The following TMEM14B variants were observed in gnomAD, a reference collection of about 807,000 sequenced individuals.
The protein encoded by TMEM14B is transmembrane protein 14B.
In TMEM14B, 9 loss-of-function variants were observed where a neutral mutation model predicts 14.8. The ratio of observed to expected loss-of-function variants is 0.61; its 90% CI spans 0.37 to 1.06. The LOEUF (loss-of-function observed/expected upper bound fraction) is 1.06. Ranked by LOEUF, TMEM14B falls within the 50% of genes least tolerant of loss-of-function variation. The probability of loss-of-function intolerance (pLI) is 0.01; values close to 1 mark genes in which losing one functional copy is unlikely to be tolerated. For synonymous variants in TMEM14B, 40 were observed against 51.3 expected, an observed-to-expected ratio of 0.78 and a Z score of 0.94; for missense variants, 128 against 143.6, an observed-to-expected ratio of 0.89 and a Z score of 0.56.
At chr6:10,759,061 G>C (rs1771896653), downstream of TMEM14B, 1 of 181,968 alleles carries the variant, frequency 5.5e-6, no homozygotes, top group Non-Finnish European at 1.2e-5. Context: ...TGGGATTTCA[G>C]GTGTGCACCA....
At chr6:10,751,356 T>C in intron 4 of TMEM14B, 122 bp downstream of exon 4, 1 of 1,099,896 alleles carries the variant, frequency 9.1e-7, no homozygotes. Flanking sequence ...TTTCACTGCT[T>C]CTCCAAGTCC....
Position 10,756,523 on chromosome 6 carries a change from A to C in TMEM14B, c.*5A>C. On this transcript the variant is annotated 3_prime_UTR_variant, in exon 6 of 6. Transcript: ENST00000379542. ...ATGTTGATGACATCTGATTAGCAGA[A>C]GTCATGTTCCAGCTTGGACTCATGA... 1 of 1,613,068 alleles carries C rather than the reference A, an allele frequency of 6.2e-7. No individual in the cohort carries two copies. Among genetic ancestry groups the C allele is most frequent in the Non-Finnish European group, 8.5e-7 (1 of 1,179,590 alleles).
At position 10,756,725 on chromosome 6, in the gene TMEM14B, TTGAGAC is replaced by T; in HGVS notation, c.*208_*213del. On this transcript the variant is annotated 3_prime_UTR_variant, in exon 6 of 6. Coordinates refer to ENST00000379542, the MANE Select transcript of TMEM14B (RefSeq NM_030969.5). ...GTGGTGAGCATGTAACATGAGCTTA[TTGAGAC>T]CATCATAGAGATCGATTCTTGTATA... 7.7e-7 allele frequency: 1 copy of T among 1,301,326 alleles called. No homozygotes were observed. Among genetic ancestry groups the T allele is most frequent in the Non-Finnish European group, 9.8e-7 (1 of 1,023,458 alleles). 80.6% of individuals were successfully genotyped at this position (1,301,326 alleles called of 1,614,324 possible).
At position 10,756,488 on chromosome 6, in the gene TMEM14B, T is replaced by C; in HGVS notation, c.315T>C (p.Val105=). 6.2e-7 allele frequency: 1 copy of C among 1,614,088 alleles called. No individual in the cohort carries two copies. Residue 105 remains valine (V), a synonymous_variant, in exon 6 of 6, where the codon GTT becomes GTC. Coordinates refer to ENST00000379542, the MANE Select transcript of TMEM14B (RefSeq NM_030969.5). Reference sequence around the variant, plus strand: ...ACAGTTTGCTGATGGCCGCCAAAGTTGGAGTTCGTATGTTGATGACATCTG... The same window carrying C: ...ACAGTTTGCTGATGGCCGCCAAAGTCGGAGTTCGTATGTTGATGACATCTG... ...AGASLLMAAK[V]GVRMLMTSD
At chr6:10,750,790 A>C (rs1581611536) in intron 3 of TMEM14B, among the ~76,000 whole-genome samples, 1 of 152,004 alleles carries the variant, frequency 6.6e-6, no homozygotes. Context: ...TAGGTGATTA[A>C]AGGAAAGGGA....
chr6:10,751,339 A>G (rs1771557919), intron 4 of TMEM14B, 105 bp downstream of exon 4: 1 of 1,305,520 alleles, frequency 7.7e-7, no homozygotes, highest in Non-Finnish European at 1.1e-6. Context: ...CACTTAATTT[A>G]CGACAGTTTC....
chr6:10,756,081 A>G (rs1415148048), intron 5 of TMEM14B, among the ~76,000 whole-genome samples: 1 of 152,186 alleles, frequency 6.6e-6, no homozygotes, highest in Non-Finnish European at 1.5e-5. Flanking sequence ...TGCTGCCAGT[A>G]TAATATTTTA....
chr6:10,757,054 A>G (rs569557779), downstream of TMEM14B: 4 of 925,752 alleles, frequency 4.3e-6, no homozygotes, highest in East Asian at 1.2e-4. Flanking sequence ...TAGAAACTTG[A>G]AAGTATTTTG....
chr6:10,755,208 CT>C lies in TMEM14B; in HGVS notation c.270del (p.Val91Ter), dbSNP rs1379330253. On this transcript the variant is annotated frameshift_variant, in exon 5 of 6. Transcript: ENST00000379542. LOFTEE classifies it high-confidence loss of function. ...TCCTACTACTATGGAAAATTCATGC[CT>C]GTAGGTTTAATTGCAGGTGCCAGGT... ...MRSYYYGKFM[P>X]VGLIAGASLL... 6.2e-7 allele frequency: 1 copy of C among 1,614,062 alleles called. No individual in the cohort carries two copies. Among genetic ancestry groups the C allele is most frequent in the Non-Finnish European group, 8.5e-7 (1 of 1,180,030 alleles).
intron 1 of TMEM14B, 145 bp downstream of exon 1, chr6:10,748,026 G>A (rs561536357): frequency 6.6e-6 from 1 of 152,366 alleles, no homozygotes; most frequent in Admixed American, 6.5e-5. Flanking sequence ...TTTTCTCCTT[G>A]GGTATTTTCT....
intron 1 of TMEM14B, among the ~76,000 whole-genome samples, chr6:10,748,270 G>A (rs151199609): frequency 4.3e-4 from 65 of 152,142 alleles, no homozygotes; most frequent in African/African-American, 1.5e-3. Context: ...GGTGGGGAGG[G>A]GTTCTCGCTG....
chr6:10,755,666 A>G, intron 5 of TMEM14B: 4 of 1,090,662 alleles, frequency 3.7e-6, no homozygotes, highest in Non-Finnish European at 4.5e-6. Flanking sequence ...TAAAAAATGT[A>G]GTTGTAGGCC....
At chr6:10,747,979 C>T (rs1478804665) in intron 1 of TMEM14B, 98 bp downstream of exon 1, 1 of 152,276 alleles carries the variant, frequency 6.6e-6, no homozygotes, top group Non-Finnish European at 1.5e-5. Flanking sequence ...TTTTCGTCCC[C>T]CCGATTCAGC....
chr6:10,752,517 C>T (rs972561552), intron 4 of TMEM14B, among the ~76,000 whole-genome samples: 18 of 135,322 alleles, frequency 1.3e-4, no homozygotes, highest in South Asian at 4.7e-4. Context: ...AGTGCAGTGG[C>T]GCGGTCTTGG....
chr6:10,756,387 T>C, intron 5 of TMEM14B, 80 bp from the exon 6 acceptor site: 1 of 1,528,578 alleles, frequency 6.5e-7, no homozygotes, highest in Non-Finnish European at 9.0e-7. Flanking sequence ...GTGAGGAACC[T>C]GCAGAGTTTA....
chr6:10,755,730 A>G (rs532928360), intron 5 of TMEM14B: 2 of 947,060 alleles, frequency 2.1e-6, no homozygotes, highest in East Asian at 2.0e-4. Context: ...CATGGCGGGC[A>G]TATCACTTGA....
intron 3 of TMEM14B, 31 bp from the exon 4 acceptor site, chr6:10,751,102 T>G: frequency 6.2e-7 from 1 of 1,611,976 alleles, no homozygotes; most frequent in Non-Finnish European, 8.5e-7. Context: ...TGCCTGACAT[T>G]ACAATGCAAG....
downstream of TMEM14B, among the ~76,000 whole-genome samples, chr6:10,758,111 AT>A (rs1350293075): frequency 1.3e-5 from 2 of 152,080 alleles, no homozygotes; most frequent in Non-Finnish European, 2.9e-5. Flanking sequence ...CTAGTTTTCC[AT>A]CCTTTTTTAT....
At chr6:10,749,831 C>T (rs1215510330) in intron 3 of TMEM14B, 133 bp downstream of exon 3, 2 of 1,025,166 alleles carry the variant, frequency 2.0e-6, no homozygotes, top group African/African-American at 1.6e-5. Context: ...GTGCAGGCTT[C>T]CTTGTCAGTC....
Sources: gnomAD v4.1 joint callset for allele counts (sites outside exome capture counted in the v4.1 genomes callset) on GRCh38, gnomAD v4.1.1 for gene constraint, MANE v1.5 for transcripts, NCBI Gene and HGNC (gene_info 2026-07-23, HGNC 2026-07-21) for gene names.